The following CHN1 variants were observed in gnomAD, a reference collection of about 807,000 sequenced individuals.
The protein encoded by CHN1 is chimerin 1.
CHN1 carries 37 observed loss-of-function variants against 59.5 expected under a neutral mutation model. That is an observed-to-expected ratio of 0.62 (90% CI 0.48 to 0.82). The LOEUF (loss-of-function observed/expected upper bound fraction) is 0.82. Among genes scored for constraint, CHN1 ranks in the 40% least tolerant of loss-of-function variants. The pLI is 0.00. For synonymous variants in CHN1, 206 were observed against 200.4 expected, an observed-to-expected ratio of 1.03 and a Z score of -0.24; for missense variants, 469 against 571.0, an observed-to-expected ratio of 0.82 and a Z score of 1.82.
At chr2:175,000,429 C>T (rs112008594) in intron 1 of CHN1, among the ~76,000 whole-genome samples, 3,955 of 152,056 alleles carry the variant, frequency 0.026, 174 homozygotes, top group African/African-American at 0.09. Context: ...TGATCCACCA[C>T]ACCTGGCCTG....
At chr2:174,948,934 T>C (rs1478551491) in intron 2 of CHN1, among the ~76,000 whole-genome samples, 3 of 152,226 alleles carry the variant, frequency 2.0e-5, no homozygotes, top group Non-Finnish European at 2.9e-5. Context: ...GTAGAAAATA[T>C]TGTCAATTAT....
intron 3 of CHN1, among the ~76,000 whole-genome samples, chr2:174,924,168 G>A (rs192127931): frequency 6.6e-6 from 1 of 152,136 alleles, no homozygotes; most frequent in African/African-American, 2.4e-5. Flanking sequence ...ATTCCCTTTT[G>A]TAAAAGAAAT....
At chr2:174,949,140 C>A (rs1429528654) in intron 2 of CHN1, among the ~76,000 whole-genome samples, 1 of 152,042 alleles carries the variant, frequency 6.6e-6, no homozygotes, top group Non-Finnish European at 1.5e-5. Context: ...CCTTAAGGTA[C>A]AATTAATAAA....
At chr2:174,989,998 CA>C (rs1178317341) in intron 1 of CHN1, among the ~76,000 whole-genome samples, 2 of 151,574 alleles carry the variant, frequency 1.3e-5, no homozygotes, top group South Asian at 2.1e-4. Context: ...AAAATTATTT[CA>C]AAAAAAAGTT....
chr2:174,906,090 C>CG (rs1688535035), intron 5 of CHN1, among the ~76,000 whole-genome samples: 1 of 151,978 alleles, frequency 6.6e-6, no homozygotes, highest in Non-Finnish European at 1.5e-5. Flanking sequence ...AGTTACAATA[C>CG]GACCCAGCAA....
chr2:174,937,292 T>C (rs536241010), intron 3 of CHN1, among the ~76,000 whole-genome samples: 28 of 152,260 alleles, frequency 1.8e-4, no homozygotes, highest in African/African-American at 5.1e-4. Flanking sequence ...AAATGTATGT[T>C]CCCTTTGAGC....
intron 5 of CHN1, among the ~76,000 whole-genome samples, chr2:174,905,611 C>T (rs1688521295): frequency 6.6e-6 from 1 of 151,810 alleles, no homozygotes; most frequent in African/African-American, 2.4e-5. Context: ...GTTGCCCAGG[C>T]TGGAGTGCAG....
intron 6 of CHN1, among the ~76,000 whole-genome samples, chr2:174,858,038 T>C (rs1034639494): frequency 6.6e-6 from 1 of 152,124 alleles, no homozygotes; most frequent in African/African-American, 2.4e-5. Flanking sequence ...AGTTATTGCA[T>C]CTCAGCAAAC....
At chr2:174,971,378 T>C (rs2105438311) in intron 1 of CHN1, among the ~76,000 whole-genome samples, 1 of 152,344 alleles carries the variant, frequency 6.6e-6, no homozygotes, top group East Asian at 1.9e-4. Context: ...AGGAGTTTAT[T>C]TTTTAATTGA....
intron 8 of CHN1, among the ~76,000 whole-genome samples, chr2:174,813,158 A>C (rs939123253): frequency 5.9e-5 from 9 of 152,226 alleles, no homozygotes; most frequent in Non-Finnish European, 8.8e-5. Flanking sequence ...CCCTCATATT[A>C]TATCTGAGAA....
intron 10 of CHN1, among the ~76,000 whole-genome samples, chr2:174,809,747 G>A (rs1387436219): frequency 2.0e-5 from 3 of 152,116 alleles, no homozygotes; most frequent in Non-Finnish European, 4.4e-5. Flanking sequence ...TCAGCAAGAC[G>A]TCTATAACAT....
intron 7 of CHN1, among the ~76,000 whole-genome samples, chr2:174,834,555 C>A (rs1223667821): frequency 6.6e-6 from 1 of 152,156 alleles, no homozygotes; most frequent in Non-Finnish European, 1.5e-5. Context: ...TAATAGATTT[C>A]TTTTCCTTCA....
chr2:174,982,428 T>C (rs1417644105), intron 1 of CHN1, among the ~76,000 whole-genome samples: 1 of 152,194 alleles, frequency 6.6e-6, no homozygotes, highest in African/African-American at 2.4e-5. Flanking sequence ...TGTAAAAGTG[T>C]TCCTATTTCT....
intron 7 of CHN1, 89 bp downstream of exon 7, chr2:174,846,791 T>C (rs570781043): frequency 8.0e-7 from 1 of 1,251,592 alleles, no homozygotes; most frequent in Admixed American, 2.8e-5. Flanking sequence ...CAAGTCATCC[T>C]AGTTTTAAAA....
At chr2:175,001,375 C>T (rs1334933867) in intron 1 of CHN1, among the ~76,000 whole-genome samples, 1 of 152,176 alleles carries the variant, frequency 6.6e-6, no homozygotes, top group African/African-American at 2.4e-5. Context: ...TATGGGAAAT[C>T]AGAAAATTTC....
chr2:174,799,435 C>T lies in CHN1; in HGVS notation c.*681G>A, dbSNP rs1308660540. On this transcript the variant is annotated 3_prime_UTR_variant, in exon 13 of 13. Coordinates refer to ENST00000409900, the MANE Select transcript of CHN1 (RefSeq NM_001822.7). ...AGCCAATTTAATAAATTAATAAACGCATGCCAGAAAAAATACCAAATTACA... is the reference window on the plus strand; with the variant it reads ...AGCCAATTTAATAAATTAATAAACGTATGCCAGAAAAAATACCAAATTACA... 8.7e-6 allele frequency: 4 copies of T among 461,086 alleles called. No homozygotes were observed. The highest frequency in any genetic ancestry group is 1.7e-5 in the Non-Finnish European group (4 of 241,324). The allele number at this position is 461,086 out of a possible 1,614,324, so 28.6% of individuals were successfully genotyped here.
At chr2:174,899,961 G>T (rs943066036) in intron 5 of CHN1, among the ~76,000 whole-genome samples, 15 of 152,124 alleles carry the variant, frequency 9.9e-5, no homozygotes, top group Admixed American at 3.3e-4. Flanking sequence ...GTATATGTAT[G>T]TTCATTTTGT....
chr2:174,868,212 A>G (rs1687290714), intron 6 of CHN1, among the ~76,000 whole-genome samples: 1 of 152,234 alleles, frequency 6.6e-6, no homozygotes, highest in Non-Finnish European at 1.5e-5. Context: ...GTTTTAGATA[A>G]TATAATTGGA....
intron 2 of CHN1, among the ~76,000 whole-genome samples, chr2:174,949,513 T>C (rs1178290714): frequency 1.3e-5 from 2 of 151,936 alleles, no homozygotes; most frequent in South Asian, 2.1e-4. Flanking sequence ...TACAACACCA[T>C]GCCCAGCTAA....
Sources: allele counts gnomAD v4.1 joint callset (sites outside exome capture counted in the v4.1 genomes callset), GRCh38; gene constraint gnomAD v4.1.1; transcripts MANE v1.5; gene names NCBI Gene and HGNC (gene_info 2026-07-23, HGNC 2026-07-21).